The following PCDH15 variants were observed in gnomAD, a reference collection of about 807,000 sequenced individuals.
PCDH15 encodes the protein protocadherin related 15.
PCDH15 carries 129 observed loss-of-function variants against 178.5 expected under a neutral mutation model. That is an observed-to-expected ratio of 0.72 (90% CI 0.63 to 0.84). The LOEUF is 0.84. PCDH15 is among the 40% of genes least tolerant of loss of function. The pLI is 0.00. For missense variants in PCDH15, 2,230 were observed against 2,099.9 expected, an observed-to-expected ratio of 1.06 and a Z score of -1.21; for synonymous variants, 800 against 732.0, an observed-to-expected ratio of 1.09 and a Z score of -1.50.
chr10:54,344,804 A>T (rs1942920999), intron 6 of PCDH15, among the ~76,000 whole-genome samples: 1 of 147,648 alleles, frequency 6.8e-6, no homozygotes, highest in Non-Finnish European at 1.5e-5. Flanking sequence ...TTCTTATGTA[A>T]CCCTTCATAC....
At chr10:55,075,533 T>C (rs1841866975) in intron 2 of PCDH15, among the ~76,000 whole-genome samples, 2 of 151,966 alleles carry the variant, frequency 1.3e-5, no homozygotes. Flanking sequence ...GTCCAGCTAA[T>C]TTTTGTATTT....
intron 3 of PCDH15, among the ~76,000 whole-genome samples, chr10:54,383,425 T>C (rs949986666): frequency 6.6e-6 from 1 of 152,158 alleles, no homozygotes; most frequent in Non-Finnish European, 1.5e-5. Flanking sequence ...TATTAGTACT[T>C]ATTAGCATTT....
chr10:55,059,076 A>G (rs1029012197), intron 2 of PCDH15, among the ~76,000 whole-genome samples: 1 of 152,170 alleles, frequency 6.6e-6, no homozygotes, highest in Non-Finnish European at 1.5e-5. Flanking sequence ...TTCTGTGACT[A>G]CTGCTGCAAC....
chr10:55,161,888 C>T (rs1486704961), intron 2 of PCDH15, among the ~76,000 whole-genome samples: 1 of 152,050 alleles, frequency 6.6e-6, no homozygotes, highest in Non-Finnish European at 1.5e-5. Context: ...AATATTCAAC[C>T]CTGTGAATGC....
chr10:53,998,364 A>C (rs1468471421), intron 20 of PCDH15, among the ~76,000 whole-genome samples: 1 of 152,348 alleles, frequency 6.6e-6, no homozygotes, highest in Non-Finnish European at 1.5e-5. Context: ...AAAAATGGTT[A>C]TACTCATAAA....
At chr10:53,841,989 T>C (rs1157102390) in intron 28 of PCDH15, among the ~76,000 whole-genome samples, 1 of 147,384 alleles carries the variant, frequency 6.8e-6, no homozygotes, top group East Asian at 2.0e-4. Context: ...CTGAAGATAA[T>C]GGATGTACTG....
intron 3 of PCDH15, among the ~76,000 whole-genome samples, chr10:54,417,866 T>C (rs1253679484): frequency 1.3e-5 from 2 of 152,210 alleles, no homozygotes; most frequent in Non-Finnish European, 2.9e-5. Context: ...TCTCCATAAA[T>C]AGAGTGGTTA....
At chr10:55,185,137 C>T (rs1255987408) in intron 1 of PCDH15, among the ~76,000 whole-genome samples, 1 of 151,734 alleles carries the variant, frequency 6.6e-6, no homozygotes, top group Non-Finnish European at 1.5e-5. Flanking sequence ...CATTAAGAAA[C>T]CAATAAACTG....
intron 1 of PCDH15, among the ~76,000 whole-genome samples, chr10:54,732,701 T>A (rs1566071247): frequency 6.6e-6 from 1 of 151,540 alleles, no homozygotes. Flanking sequence ...GGGAGCATTG[T>A]CCTGATACTA....
At chr10:54,264,420 G>A (rs1285631197) in intron 8 of PCDH15, among the ~76,000 whole-genome samples, 4 of 152,112 alleles carry the variant, frequency 2.6e-5, no homozygotes, top group East Asian at 1.9e-4. Flanking sequence ...CTAACCAGAT[G>A]TAAATGTCTG....
intron 1 of PCDH15, among the ~76,000 whole-genome samples, chr10:55,237,958 A>G (rs1841430335): frequency 6.6e-6 from 1 of 152,000 alleles, no homozygotes; most frequent in African/African-American, 2.4e-5. Flanking sequence ...GCTTTTAGTT[A>G]CCACTTTGAA....
intron 2 of PCDH15, among the ~76,000 whole-genome samples, chr10:55,499,030 T>C (rs1190775249): frequency 1.3e-5 from 2 of 151,906 alleles, no homozygotes; most frequent in African/African-American, 4.8e-5. Flanking sequence ...GGTCACTGTT[T>C]TGATGCCTGT....
At chr10:55,611,690 A>G (rs1045321967) in intron 2 of PCDH15, among the ~76,000 whole-genome samples, 2 of 152,124 alleles carry the variant, frequency 1.3e-5, no homozygotes, top group African/African-American at 4.8e-5. Context: ...TATGTTGACT[A>G]GATATCAACA....
At chr10:53,995,857 C>G in intron 20 of PCDH15, 92 bp from the exon 21 acceptor site, 1 of 1,125,024 alleles carries the variant, frequency 8.9e-7, no homozygotes, top group Non-Finnish European at 1.3e-6. Flanking sequence ...TATCACACAA[C>G]TTATTTACCA....
At chr10:54,522,317 A>G (rs941604491) in intron 3 of PCDH15, among the ~76,000 whole-genome samples, 1 of 152,130 alleles carries the variant, frequency 6.6e-6, no homozygotes, top group East Asian at 1.9e-4. Flanking sequence ...CATACATTCA[A>G]TCAACATCCA....
chr10:54,157,663 G>A (rs957971700), intron 13 of PCDH15, among the ~76,000 whole-genome samples: 2 of 152,172 alleles, frequency 1.3e-5, no homozygotes, highest in Non-Finnish European at 2.9e-5. Flanking sequence ...TTTTGCAGGT[G>A]GCTTTAACTT....
chr10:54,839,842 G>C (rs1191762612), intron 3 of PCDH15, among the ~76,000 whole-genome samples: 4 of 151,958 alleles, frequency 2.6e-5, no homozygotes, highest in Non-Finnish European at 5.9e-5. Flanking sequence ...TGCAGGTCAT[G>C]AAAGAGTGGA....
intron 16 of PCDH15, among the ~76,000 whole-genome samples, chr10:54,083,963 C>A (rs1031464799): frequency 6.6e-6 from 1 of 151,984 alleles, no homozygotes; most frequent in East Asian, 1.9e-4. Flanking sequence ...CGGTGGCTCA[C>A]GCCTGTAATT....
At chr10:55,425,644 G>A (rs1289355329) in intron 2 of PCDH15, among the ~76,000 whole-genome samples, 4 of 147,284 alleles carry the variant, frequency 2.7e-5, no homozygotes, top group Non-Finnish European at 4.5e-5. Context: ...AGAGTTACCC[G>A]CTACTAGCTT....
Sources: gnomAD v4.1 joint callset for allele counts (sites outside exome capture counted in the v4.1 genomes callset) on GRCh38, gnomAD v4.1.1 for gene constraint, MANE v1.5 for transcripts, NCBI Gene and HGNC (gene_info 2026-07-23, HGNC 2026-07-21) for gene names.